FASN: variants seen among roughly 807,000 people sequenced by gnomAD.
FASN encodes 3-hydroxyacyl-[acyl-carrier-protein] dehydratase.
A neutral mutation model predicts 250.0 loss-of-function variants in FASN; 50 were observed. The observed-to-expected ratio is 0.20, with a 90% CI of 0.16 to 0.25. The LOEUF is 0.25. Among genes scored for constraint, FASN ranks in the 10% least tolerant of loss-of-function variants. The probability of loss-of-function intolerance (pLI) is 1.00; values close to 1 mark genes in which losing one functional copy is unlikely to be tolerated. For missense variants in FASN, 3,031 were observed against 3,498.5 expected (o/e 0.87, Z 3.37); for synonymous variants, 1,909 against 1,584.0 (o/e 1.21, Z -4.87).
At position 82,083,104 on chromosome 17, in the gene FASN, C is replaced by T; in HGVS notation, c.5577G>A (p.Glu1859=). 6.2e-7 allele frequency: 1 copy of T among 1,610,532 alleles called. No homozygotes were observed. Among genetic ancestry groups the T allele is most frequent in the Non-Finnish European group, 8.5e-7 (1 of 1,179,964 alleles). The change falls in exon 33 of 43, where the codon GAG becomes GAA. Residue 1859 remains glutamate, a synonymous_variant. Transcript: ENST00000306749. The stretch of plus-strand genomic sequence containing the variant: ...CCCCCTTCAGCACTGCCTCCGGCTC[C>T]TCCGCAAGCACCTGCGTCCAAGCAG... ...IGKVVVQVLA[E]EPEAVLKGAK... is the part of the protein sequence containing the mutation.
Position 82,084,878 on chromosome 17 carries a change from C to G in FASN, c.4485G>C (p.Lys1495Asn). 2 of 1,550,824 alleles carry G rather than the reference C, an allele frequency of 1.3e-6. No individual in the cohort carries two copies. The change falls in exon 26 of 43, where the codon AAG (lysine) becomes AAC (asparagine). Residue 1495 changes from lysine (K) to asparagine (N), a missense_variant. Transcript: ENST00000306749. ...TCATCACCAGGTCTCCCTGCAACACCTTCTGCAGTTCTGCGGAGCCCGGGT... is the reference window on the plus strand; with the variant it reads ...TCATCACCAGGTCTCCCTGCAACACGTTCTGCAGTTCTGCGGAGCCCGGGT... ...EVDPGSAELQ[K>N]VLQGDLVMNV...
rs1350882503 is a variant in FASN at position 82,079,067 on chromosome 17, C to T, written c.*76G>A. 2.1e-5 allele frequency: 30 copies of T among 1,429,584 alleles called. No individual in the cohort carries two copies. The African/African-American group carries it at 3.5e-4, about 17-fold the overall frequency. The allele number at this position is 1,429,584 out of a possible 1,614,324, so 88.6% of individuals were successfully genotyped here. ...GTCCCACCGGCAGGACCCTTCAATC[C>T]CGTTGCATGGCGGGGGTGGGGTGGG... On this transcript the variant is annotated 3_prime_UTR_variant, in exon 43 of 43. Transcript: ENST00000306749.
rs1395418109 is a variant in FASN, at chr17:82,088,317, G to A, written c.2594-10C>T. 17 of 1,608,228 alleles carry A rather than the reference G, an allele frequency of 1.1e-5. No homozygotes were observed. Among genetic ancestry groups the A allele is most frequent in the Non-Finnish European group, 1.4e-5 (17 of 1,179,950 alleles). ...GACTCGGAGCTGGTGTCTGCGGGAG[G>A]GCACAGGCCTCAGCACAGAGCGGGC... On this transcript the variant is annotated splice_polypyrimidine_tract_variant and intron_variant, in intron 16 of 42. Coordinates refer to ENST00000306749, the MANE Select transcript of FASN (RefSeq NM_004104.5).
Position 82,093,256 on chromosome 17 carries a change from G to C in FASN, c.618C>G (p.Leu206=), listed in dbSNP as rs528276359. ...TSVQFLRLGM[L]SPEGTCKAFD... is the part of the protein sequence containing the mutation. ...AGGCCTTGCAGGTGCCCTCGGGGCTGAGCATCCCCAGCCTCAAGAACTGCA... is the reference window on the plus strand; with the variant it reads ...AGGCCTTGCAGGTGCCCTCGGGGCTCAGCATCCCCAGCCTCAAGAACTGCA... The change falls in exon 5 of 43, where the codon CTC becomes CTG. Residue 206 remains leucine (L), a synonymous_variant. Transcript: ENST00000306749. The C allele has an allele frequency of 7.5e-6, 12 of 1,593,452 alleles. No individual in the cohort carries two copies. The highest frequency in any genetic ancestry group is 1.3e-5 in the African/African-American group (1 of 74,690).
intron 8 of FASN, 135 bp from the exon 9 acceptor site, chr17:82,091,819 A>G (rs2034215139): frequency 2.5e-6 from 2 of 815,258 alleles, no homozygotes; most frequent in African/African-American, 1.7e-5. Flanking sequence ...CCTGTCCCCA[A>G]CCTAATTCTG....
chr17:82,085,705 G>A lies in FASN; in HGVS notation c.3899C>T (p.Ala1300Val). The change falls in exon 23 of 43, where the codon GCA becomes GTA. Residue 1300 changes from alanine to valine, a missense_variant. Transcript: ENST00000306749. ...HDVAQGQWDP[A>V]DPAPSALGSA... Reference sequence around the variant, plus strand: ...GCCCAGGGCGCTGGGGGCAGGGTCTGCGGGATCCCACTGGCCCTGGGCAAC... The same window carrying A: ...GCCCAGGGCGCTGGGGGCAGGGTCTACGGGATCCCACTGGCCCTGGGCAAC... 1 of 1,567,574 alleles carries A rather than the reference G, an allele frequency of 6.4e-7. No individual in the cohort carries two copies. Among genetic ancestry groups the A allele is most frequent in the Non-Finnish European group, 8.6e-7 (1 of 1,157,186 alleles).
intron 1 of FASN, chr17:82,097,573 G>A (rs1232441778): frequency 2.0e-5 from 3 of 152,360 alleles, no homozygotes; most frequent in South Asian, 4.1e-4. Flanking sequence ...TATTCACGCG[G>A]GGTCGACGGC....
rs761327122 is a variant in FASN, at chr17:82,091,317, G to A, written c.1397C>T (p.Pro466Leu). 1 of 1,611,014 alleles carries A rather than the reference G, an allele frequency of 6.2e-7. No individual in the cohort carries two copies. Among genetic ancestry groups the A allele is most frequent in the Non-Finnish European group, 8.5e-7 (1 of 1,179,382 alleles). The change falls in exon 9 of 43, where the codon CCC (proline) becomes CTC (leucine). Residue 466 changes from proline (P) to leucine (L), a missense_variant. Pro to Leu is a moderately conservative substitution (Grantham distance 98). Transcript: ENST00000306749. ...ACCCAGCACAGCGTAGCCACGGAAGGGCATGGCGGTGGCGGGGACAGCCGC... is the reference window on the plus strand; with the variant it reads ...ACCCAGCACAGCGTAGCCACGGAAGAGCATGGCGGTGGCGGGGACAGCCGC... ...DIAAVPATAMPFRGYAVLGGE... is the reference protein window; with the variant it reads ...DIAAVPATAMLFRGYAVLGGE...
In FASN at chr17:82,086,695, G is replaced by A. The variant is rs146573175; in HGVS notation, c.3428-137C>T. On this transcript the variant is annotated intron_variant, in intron 21 of 42. Coordinates refer to ENST00000306749, the MANE Select transcript of FASN (RefSeq NM_004104.5). ...AGGATGAGAAATAGCTGAGGGTTGA[G>A]GAAGGGGCTGCCCACCACTGGGAGG... is the stretch of plus-strand genomic sequence containing the variant. 5.6e-4 allele frequency: 420 copies of A among 748,584 alleles called. 1 individual carries two copies. The African/African-American group carries it at 6.4e-3, about 11-fold the overall frequency. The allele number at this position is 748,584 out of a possible 1,614,324, so 46.4% of individuals were successfully genotyped here.
intron 28 of FASN, 22 bp downstream of exon 28, chr17:82,084,212 C>A: frequency 6.2e-7 from 1 of 1,610,732 alleles, no homozygotes; most frequent in Non-Finnish European, 8.5e-7. Flanking sequence ...GGGGCCCAGG[C>A]TCACACCCTC....
In FASN at chr17:82,080,576, T is replaced by C; in HGVS notation, c.6841A>G (p.Ser2281Gly). 6.4e-7 allele frequency: 1 copy of C among 1,556,790 alleles called. No homozygotes were observed. The highest frequency in any genetic ancestry group is 8.7e-7 in the Non-Finnish European group (1 of 1,151,112). The change falls in exon 40 of 43, where the codon AGC (serine) becomes GGC (glycine). Residue 2281 changes from serine to glycine, a missense_variant. Coordinates refer to ENST00000306749, the MANE Select transcript of FASN (RefSeq NM_004104.5). ...TAGTAGGCAGCCAGGCTGTGGATGC[T>C]GTCAAGGGGCGCAGCTGCAATGGCA... ...LQCTRAAPLD[S>G]IHSLAAYYID...
intron 35 of FASN, 29 bp from the exon 36 acceptor site, chr17:82,082,189 G>A: frequency 1.2e-6 from 2 of 1,601,086 alleles, no homozygotes; most frequent in South Asian, 1.1e-5. Flanking sequence ...CTCCCCATTG[G>A]CCAGCATCCC....
In FASN at chr17:82,083,792, A is replaced by C. The variant is rs1439940610; in HGVS notation, c.5198T>G (p.Leu1733Arg). Residue 1733 changes from leucine to arginine, a missense_variant, in exon 30 of 43, where the codon CTG (leucine) becomes CGG (arginine). Physicochemically the swap from Leu to Arg is moderately radical, Grantham distance 102. Coordinates refer to ENST00000306749, the MANE Select transcript of FASN (RefSeq NM_004104.5). ...CTCACCCTTCCCGCCCGTGTGCCAC[A>C]GCACATGCTGCTCGAAGGATGTGTC... ...SRDTSFEQHV[L>R]WHTGGKGVDL... is the part of the protein sequence containing the mutation. The C allele has an allele frequency of 6.2e-7, 1 of 1,611,422 alleles. No individual in the cohort carries two copies. The highest frequency in any genetic ancestry group is 8.5e-7 in the Non-Finnish European group (1 of 1,179,674).
intron 33 of FASN, 89 bp from the exon 34 acceptor site, chr17:82,082,767 A>C (rs2034013830): frequency 1.3e-6 from 2 of 1,555,522 alleles, no homozygotes; most frequent in Non-Finnish European, 1.7e-6. Flanking sequence ...GCAGCCGCAG[A>C]GCCCCATCCA....
chr17:82,084,730 G>C lies in FASN; in HGVS notation c.4565-14C>G. ...CCTCAGGCTTGTCTAGGGAAACAGG[G>C]AGGTGGGGCTGCTGCGGGGCCTTCG... On this transcript the variant is annotated splice_polypyrimidine_tract_variant and intron_variant, in intron 26 of 42. Transcript: ENST00000306749. 1.3e-6 allele frequency: 2 copies of C among 1,554,652 alleles called. No individual in the cohort carries two copies. The highest frequency in any genetic ancestry group is 1.7e-6 in the Non-Finnish European group (2 of 1,149,312).
chr17:82,093,549 T>C (rs760183459), intron 4 of FASN, 49 bp downstream of exon 4: 53 of 1,611,272 alleles, frequency 3.3e-5, no homozygotes, highest in Non-Finnish European at 4.3e-5. Context: ...GCTCAGCATG[T>C]GGGGACCTGA....
rs751111992 is a variant in FASN, at chr17:82,079,108, T to G, written c.*35A>C. ...GTGGGGTGGGGTGGGGTGGGGATGG[T>G]GGAGTGACCTCCGGTGGCAGGCGGG... On this transcript the variant is annotated 3_prime_UTR_variant, in exon 43 of 43. Transcript: ENST00000306749. 1.3e-6 allele frequency: 2 copies of G among 1,593,050 alleles called. No homozygotes were observed. Among genetic ancestry groups the G allele is most frequent in the East Asian group, 2.3e-5 (1 of 44,306 alleles).
In FASN at chr17:82,091,292, A is replaced by G. The variant is rs760995037; in HGVS notation, c.1422T>C (p.Gly474=). 6.2e-7 allele frequency: 1 copy of G among 1,609,772 alleles called. No individual in the cohort carries two copies. The highest frequency in any genetic ancestry group is 1.3e-5 in the African/African-American group (1 of 74,976). The change falls in exon 9 of 43, where the codon GGT becomes GGC. Residue 474 remains glycine (G), a synonymous_variant. Coordinates refer to ENST00000306749, the MANE Select transcript of FASN (RefSeq NM_004104.5). The part of the protein sequence containing the change: ...AMPFRGYAVL[G]GERGGPEVQQ... ...GCACCTCTGGGCCACCGCGCTCACCACCCAGCACAGCGTAGCCACGGAAGG... is the reference window on the plus strand; with the variant it reads ...GCACCTCTGGGCCACCGCGCTCACCGCCCAGCACAGCGTAGCCACGGAAGG...
At chr17:82,080,282 C>A (rs1189252346) in intron 40 of FASN, 44 bp from the exon 41 acceptor site, 3 of 1,611,218 alleles carry the variant, frequency 1.9e-6, no homozygotes, top group Non-Finnish European at 2.5e-6. Flanking sequence ...AGGGGCGGGG[C>A]CTCCTAAGCG....
Sources: gnomAD v4.1 joint callset for allele counts on GRCh38, gnomAD v4.1.1 for gene constraint, MANE v1.5 for transcripts, NCBI Gene and HGNC (gene_info 2026-07-23, HGNC 2026-07-21) for gene names.